The following ADGRL3 variants were observed in gnomAD, a reference collection of about 807,000 sequenced individuals.
The protein encoded by ADGRL3 is calcium-independent alpha-latrotoxin receptor 3.
Under a neutral mutation model 153.5 loss-of-function variants are expected in ADGRL3, and 62 were observed. The ratio of observed to expected loss-of-function variants is 0.40; its 90% CI spans 0.33 to 0.50. ADGRL3 has a LOEUF of 0.50. Ranked by LOEUF, ADGRL3 falls within the 20% of genes least tolerant of loss-of-function variation. ADGRL3 has a pLI of 0.47. For missense variants in ADGRL3, 1,641 were observed against 1,859.4 expected, an observed-to-expected ratio of 0.88 and a Z score of 2.16; for synonymous variants, 710 against 672.5, an observed-to-expected ratio of 1.06 and a Z score of -0.86.
chr4:61,767,116 G>A (rs1405562126), intron 8 of ADGRL3, among the ~76,000 whole-genome samples: 2 of 151,948 alleles, frequency 1.3e-5, no homozygotes, highest in South Asian at 2.1e-4. Context: ...TCGCCAAGGA[G>A]GGAGTAGAGG....
intron 2 of ADGRL3, among the ~76,000 whole-genome samples, chr4:61,492,899 T>A (rs335298): frequency 0.94 from 143,552 of 152,174 alleles, 68,273 homozygotes; most frequent in East Asian, 1. Flanking sequence ...GTAAACATTA[T>A]TGATGCAAAT....
At chr4:61,313,632 A>G (rs951843256) in intron 1 of ADGRL3, among the ~76,000 whole-genome samples, 1 of 152,226 alleles carries the variant, frequency 6.6e-6, no homozygotes, top group African/African-American at 2.4e-5. Context: ...TGTAAATAAA[A>G]GTTAAGTTCC....
chr4:61,975,937 G>A (rs1459755209), intron 17 of ADGRL3, among the ~76,000 whole-genome samples: 1 of 152,060 alleles, frequency 6.6e-6, no homozygotes, highest in Non-Finnish European at 1.5e-5. Context: ...AGCTGTTTTG[G>A]GCATATAATA....
At chr4:61,784,048 T>G (rs2097248419) in intron 8 of ADGRL3, among the ~76,000 whole-genome samples, 1 of 152,108 alleles carries the variant, frequency 6.6e-6, no homozygotes, top group Non-Finnish European at 1.5e-5. Context: ...ATATGTTTAT[T>G]AATCAGAGTT....
intron 5 of ADGRL3, among the ~76,000 whole-genome samples, chr4:61,589,667 T>G (rs1410017593): frequency 6.6e-6 from 1 of 152,096 alleles, no homozygotes; most frequent in South Asian, 2.1e-4. Context: ...ATAAACAGCA[T>G]GATTATCACC....
intron 1 of ADGRL3, among the ~76,000 whole-genome samples, chr4:61,247,963 T>C (rs530965667): frequency 6.6e-6 from 1 of 152,208 alleles, no homozygotes; most frequent in African/African-American, 2.4e-5. Flanking sequence ...AATTTATACT[T>C]TGAAGAAATG....
chr4:61,610,827 T>G (rs1414016644), intron 5 of ADGRL3, among the ~76,000 whole-genome samples: 1 of 152,080 alleles, frequency 6.6e-6, no homozygotes, highest in Non-Finnish European at 1.5e-5. Flanking sequence ...AGAATCCATT[T>G]TATAGAGGTC....
intron 25 of ADGRL3, among the ~76,000 whole-genome samples, chr4:62,051,191 CAT>C (rs1382214708): frequency 2.1e-3 from 274 of 129,742 alleles, no homozygotes; most frequent in South Asian, 0.015. Flanking sequence ...TATATATATA[CAT>C]ACATACACAA....
intron 8 of ADGRL3, among the ~76,000 whole-genome samples, chr4:61,767,327 T>G (rs1432710454): frequency 6.6e-6 from 1 of 150,546 alleles, no homozygotes; most frequent in Non-Finnish European, 1.5e-5. Flanking sequence ...AAAAGAGTAT[T>G]GTCTAAGTTG....
At chr4:61,850,329 A>T (rs560424059) in intron 9 of ADGRL3, among the ~76,000 whole-genome samples, 1 of 152,132 alleles carries the variant, frequency 6.6e-6, no homozygotes, top group Non-Finnish European at 1.5e-5. Flanking sequence ...AGTTTTGCCA[A>T]TGGCTTTTGC....
At chr4:61,297,385 G>A (rs753090115) in intron 1 of ADGRL3, among the ~76,000 whole-genome samples, 4 of 151,934 alleles carry the variant, frequency 2.6e-5, no homozygotes, top group African/African-American at 4.8e-5. Flanking sequence ...CTAAATTGCC[G>A]ATTTCAGTCT....
chr4:62,054,860 CAT>C (rs1736173023), intron 25 of ADGRL3, among the ~76,000 whole-genome samples: 1 of 151,564 alleles, frequency 6.6e-6, no homozygotes, highest in South Asian at 2.1e-4. Context: ...AGCGAATAAA[CAT>C]ATGAAAAATT....
At chr4:61,994,520 A>C (rs987757898) in intron 19 of ADGRL3, among the ~76,000 whole-genome samples, 1 of 151,754 alleles carries the variant, frequency 6.6e-6, no homozygotes, top group African/African-American at 2.4e-5. Flanking sequence ...TTTTTGCTTA[A>C]AAATCTAGCT....
chr4:62,067,763 A>G (rs1387375170), intron 25 of ADGRL3, among the ~76,000 whole-genome samples: 3 of 152,052 alleles, frequency 2.0e-5, no homozygotes, highest in African/African-American at 7.2e-5. Context: ...ATTAAATAAC[A>G]TTCCTTGAAG....
intron 8 of ADGRL3, among the ~76,000 whole-genome samples, chr4:61,778,698 A>G (rs2097180499): frequency 6.6e-6 from 1 of 152,330 alleles, no homozygotes; most frequent in African/African-American, 2.4e-5. Flanking sequence ...ACAGCCTAAT[A>G]TTGAGTGAAT....
At chr4:62,010,953 T>A (rs1041731380) in intron 21 of ADGRL3, among the ~76,000 whole-genome samples, 4 of 152,160 alleles carry the variant, frequency 2.6e-5, no homozygotes, top group African/African-American at 9.6e-5. Context: ...AGTTCATATC[T>A]TTAATGATAT....
chr4:61,286,305 CTTT>C (rs1215849315), intron 1 of ADGRL3, among the ~76,000 whole-genome samples: 1 of 138,330 alleles, frequency 7.2e-6, no homozygotes, highest in Non-Finnish European at 1.6e-5. Flanking sequence ...TGAAGGTTTT[CTTT>C]TTTTTTTTTT....
chr4:62,004,827 A>C (rs1311729796), intron 21 of ADGRL3, among the ~76,000 whole-genome samples: 2 of 152,130 alleles, frequency 1.3e-5, no homozygotes, highest in Non-Finnish European at 2.9e-5. Flanking sequence ...TATTCATTGT[A>C]ATAAGATAGA....
At chr4:61,822,073 C>G (rs542117794) in intron 9 of ADGRL3, among the ~76,000 whole-genome samples, 1 of 152,314 alleles carries the variant, frequency 6.6e-6, no homozygotes, top group South Asian at 2.1e-4. Flanking sequence ...TCTAACTTAT[C>G]TGATTAGCAG....
Sources: gnomAD v4.1 joint callset for allele counts (sites outside exome capture counted in the v4.1 genomes callset) on GRCh38, gnomAD v4.1.1 for gene constraint, MANE v1.5 for transcripts, NCBI Gene and HGNC (gene_info 2026-07-23, HGNC 2026-07-21) for gene names.